Variants in USO1 observed in about 807,000 individuals in gnomAD.
USO1 encodes the protein USO1 vesicle transport factor, also known as general vesicular transport factor p115.
USO1 carries 57 observed loss-of-function variants against 124.5 expected under a neutral mutation model. The observed-to-expected ratio is 0.46, with a 90% CI of 0.37 to 0.57. USO1 has a LOEUF of 0.57. USO1 is among the 20% of genes least tolerant of loss of function. USO1 has a pLI of 0.00. For missense variants in USO1, 900 were observed against 1,040.6 expected (o/e 0.86, Z 1.86); for synonymous variants, 369 against 362.8 (o/e 1.02, Z -0.19).
intron 1 of USO1, chr4:75,745,409 TAAA>T: frequency 2.0e-6 from 1 of 495,210 alleles, no homozygotes; most frequent in Admixed American, 2.2e-5. Context: ...CCTTTGTTAC[TAAA>T]AAAAAATTCT....
intron 9 of USO1, among the ~76,000 whole-genome samples, chr4:75,786,387 G>C (rs1034621340): frequency 6.6e-6 from 1 of 152,060 alleles, no homozygotes; most frequent in Non-Finnish European, 1.5e-5. Flanking sequence ...AGAAGATTTT[G>C]CACATATATA....
intron 20 of USO1, among the ~76,000 whole-genome samples, chr4:75,808,047 C>G (rs1336079699): frequency 6.6e-6 from 1 of 151,964 alleles, no homozygotes; most frequent in Non-Finnish European, 1.5e-5. Context: ...AAGAAAAGAG[C>G]CTTTTACTTG....
intron 4 of USO1, among the ~76,000 whole-genome samples, chr4:75,764,885 C>A (rs1469393522): frequency 2.0e-5 from 3 of 152,062 alleles, no homozygotes; most frequent in African/African-American, 7.2e-5. Context: ...ATCTGCATTC[C>A]TACATGGCAA....
At chr4:75,808,834 A>T in intron 20 of USO1, 119 bp from the exon 21 acceptor site, 1 of 1,172,118 alleles carries the variant, frequency 8.5e-7, no homozygotes, top group Non-Finnish European at 1.2e-6. Flanking sequence ...ATAGTTCTTT[A>T]GAGTTAGATT....
chr4:75,743,337 T>C (rs1044462146), intron 1 of USO1, among the ~76,000 whole-genome samples: 2 of 152,172 alleles, frequency 1.3e-5, no homozygotes, highest in African/African-American at 4.8e-5. Context: ...CTTCTGATGG[T>C]AACATACTCA....
chr4:75,793,587 A>G (rs1387627297), intron 12 of USO1, 103 bp from the exon 13 acceptor site: 21 of 1,380,608 alleles, frequency 1.5e-5, no homozygotes, highest in Non-Finnish European at 2.1e-5. Context: ...ATTATATTTA[A>G]TGGTATTTCA....
chr4:75,743,925 C>T (rs1206368144), intron 1 of USO1, among the ~76,000 whole-genome samples: 4 of 152,160 alleles, frequency 2.6e-5, no homozygotes, highest in Admixed American at 6.6e-5. Context: ...TACAGGCGCC[C>T]GCCACCACGG....
At chr4:75,786,933 G>T in intron 9 of USO1, 129 bp from the exon 10 acceptor site, 7 of 1,138,774 alleles carry the variant, frequency 6.1e-6, no homozygotes, top group Non-Finnish European at 8.0e-6. Flanking sequence ...ACGAAAGAAA[G>T]AGCACCTAAA....
intron 1 of USO1, among the ~76,000 whole-genome samples, chr4:75,726,674 A>G (rs1720472722): frequency 6.6e-6 from 1 of 152,266 alleles, no homozygotes; most frequent in East Asian, 1.9e-4. Flanking sequence ...TCTGTCTCTC[A>G]CTGTAACACA....
At chr4:75,776,883 G>A (rs1722086165) in intron 8 of USO1, among the ~76,000 whole-genome samples, 1 of 152,042 alleles carries the variant, frequency 6.6e-6, no homozygotes, top group Non-Finnish European at 1.5e-5. Flanking sequence ...TGCACCTTAA[G>A]CATTTTAAAG....
At chr4:75,776,160 A>G (rs752863580) in intron 8 of USO1, among the ~76,000 whole-genome samples, 67 of 152,198 alleles carry the variant, frequency 4.4e-4, no homozygotes, top group Non-Finnish European at 6.9e-4. Context: ...GCCTCAAGGG[A>G]ACAGGAGATT....
At chr4:75,737,485 A>G (rs553001010) in intron 1 of USO1, among the ~76,000 whole-genome samples, 159 of 152,262 alleles carry the variant, frequency 1.0e-3, no homozygotes, top group African/African-American at 3.7e-3. Context: ...AATTGTACAA[A>G]ATAAGAGTGT....
chr4:75,726,581 A>AT (rs397994042), intron 1 of USO1, among the ~76,000 whole-genome samples: 1 of 151,772 alleles, frequency 6.6e-6, no homozygotes, highest in Non-Finnish European at 1.5e-5. Context: ...AAAAAAAAAA[A>AT]TAACTGCGCA....
chr4:75,770,581 G>T, intron 5 of USO1, 42 bp downstream of exon 5: 1 of 1,526,356 alleles, frequency 6.6e-7, no homozygotes, highest in Non-Finnish European at 8.8e-7. Context: ...TTAATAAGCT[G>T]CTTTTGTTGC....
chr4:75,781,291 A>G (rs990059915), intron 8 of USO1, among the ~76,000 whole-genome samples: 6 of 152,188 alleles, frequency 3.9e-5, no homozygotes, highest in Admixed American at 2.0e-4. Context: ...TCAAACTTCA[A>G]CAGATGAGGG....
intron 8 of USO1, among the ~76,000 whole-genome samples, chr4:75,775,138 G>A (rs1186782179): frequency 6.6e-6 from 1 of 152,174 alleles, no homozygotes; most frequent in African/African-American, 2.4e-5. Context: ...ATTATATACT[G>A]AGTGAATAGG....
At chr4:75,763,500 T>A (rs551883267) in intron 4 of USO1, among the ~76,000 whole-genome samples, 5 of 152,318 alleles carry the variant, frequency 3.3e-5, no homozygotes, top group African/African-American at 1.2e-4. Flanking sequence ...TTAAATACAT[T>A]TTCAACCTAT....
intron 1 of USO1, among the ~76,000 whole-genome samples, chr4:75,727,080 C>A (rs1720485506): frequency 6.6e-6 from 1 of 152,134 alleles, no homozygotes; most frequent in Non-Finnish European, 1.5e-5. Flanking sequence ...ACGAAGAATA[C>A]CCTTTCCTGT....
chr4:75,729,371 G>A (rs184305200), intron 1 of USO1, among the ~76,000 whole-genome samples: 5 of 151,896 alleles, frequency 3.3e-5, no homozygotes, highest in African/African-American at 9.7e-5. Context: ...ACGAAGTCTC[G>A]CTCTGTCGCC....
Sources: gnomAD v4.1 joint callset for allele counts (sites outside exome capture counted in the v4.1 genomes callset) on GRCh38, gnomAD v4.1.1 for gene constraint, MANE v1.5 for transcripts, NCBI Gene and HGNC (gene_info 2026-07-23, HGNC 2026-07-21) for gene names.